UNC93A: variants seen among roughly 807,000 people sequenced by gnomAD.
UNC93A encodes N-acetylglucosamine transporter UNC93A.
A neutral mutation model predicts 47.5 loss-of-function variants in UNC93A; 43 were observed. The observed-to-expected ratio is 0.91, with a 90% confidence interval of 0.71 to 1.17. The LOEUF (loss-of-function observed/expected upper bound fraction) is 1.17. Ranked by LOEUF, UNC93A falls within the 50% of genes most tolerant of loss-of-function variation. The pLI is 0.00. For synonymous variants in UNC93A, 280 were observed against 258.0 expected, an observed-to-expected ratio of 1.09 and a Z score of -0.82; for missense variants, 605 against 577.6, an observed-to-expected ratio of 1.05 and a Z score of -0.49.
intron 1 of UNC93A, among the ~76,000 whole-genome samples, chr6:167,281,160 C>A (rs992223929): frequency 2.6e-5 from 4 of 151,380 alleles, no homozygotes; most frequent in African/African-American, 9.7e-5. Flanking sequence ...AGAGGAGCCT[C>A]GGTAGGTCAT....
intron 4 of UNC93A, 48 bp from the exon 5 acceptor site, chr6:167,303,871 T>C (rs762545361): frequency 6.3e-7 from 1 of 1,597,658 alleles, no homozygotes; most frequent in Non-Finnish European, 8.6e-7. Context: ...CCAGGCACCC[T>C]GCCTCTGGGC....
At chr6:167,280,956 C>G (rs1783621836) in intron 1 of UNC93A, among the ~76,000 whole-genome samples, 1 of 152,126 alleles carries the variant, frequency 6.6e-6, no homozygotes. Context: ...AACAGGAAAC[C>G]CAAGCCATAC....
At chr6:167,275,882 T>C (rs62438477) in intron 1 of UNC93A, among the ~76,000 whole-genome samples, 6,057 of 152,280 alleles carry the variant, frequency 0.04, 184 homozygotes, top group South Asian at 0.11. Context: ...ATGCTGTGTA[T>C]TGCTGTTAAC....
At chr6:167,290,157 G>T (rs1357071597), upstream of UNC93A, among the ~76,000 whole-genome samples, 1 of 152,198 alleles carries the variant, frequency 6.6e-6, no homozygotes, top group South Asian at 2.1e-4. Flanking sequence ...CAGGATTAGG[G>T]TGTGAACCCG....
At chr6:167,307,997 G>C (rs954356688) in intron 7 of UNC93A, 87 bp downstream of exon 7, 17 of 1,551,376 alleles carry the variant, frequency 1.1e-5, no homozygotes, top group Non-Finnish European at 1.4e-5. Context: ...AGATGCCAAT[G>C]GGCCAGAGCC....
intron 1 of UNC93A, among the ~76,000 whole-genome samples, chr6:167,294,038 G>A (rs530276907): frequency 6.6e-6 from 1 of 152,344 alleles, no homozygotes; most frequent in South Asian, 2.1e-4. Flanking sequence ...GGAGGCGGGC[G>A]ATGGATATTT....
In UNC93A at chr6:167,307,936, C is replaced by T. The variant is rs1778449354; in HGVS notation, c.1108+26C>T. The stretch of plus-strand genomic sequence containing the variant: ...GTGAGTCCCCAGCCCAGGCCCCTTC[C>T]TCTGTGGCAGCAGGGGGCGGTCCCT... On this transcript the variant is annotated intron_variant, in intron 7 of 7. Coordinates refer to ENST00000230256, the MANE Select transcript of UNC93A (RefSeq NM_018974.4). 3.1e-6 allele frequency: 5 copies of T among 1,611,924 alleles called. No individual in the cohort carries two copies. In the South Asian group the frequency reaches 3.3e-5, roughly 11 times the overall value.
intron 1 of UNC93A, among the ~76,000 whole-genome samples, chr6:167,285,101 C>T (rs1489133620): frequency 6.6e-6 from 1 of 152,200 alleles, no homozygotes; most frequent in East Asian, 1.9e-4. Flanking sequence ...CCAGGTGGCA[C>T]CACTGCAGAG....
chr6:167,296,713 G>A (rs1451458062), intron 3 of UNC93A, among the ~76,000 whole-genome samples: 1 of 152,208 alleles, frequency 6.6e-6, no homozygotes, highest in African/African-American at 2.4e-5. Flanking sequence ...CATTGGATGG[G>A]CTGATGCCCT....
chr6:167,289,246 G>A (rs1783798781), upstream of UNC93A, among the ~76,000 whole-genome samples: 1 of 152,254 alleles, frequency 6.6e-6, no homozygotes, highest in Admixed American at 6.5e-5. Context: ...GGTAAGATAA[G>A]AGTGTCCCTT....
At chr6:167,269,524 A>T (rs538077456), upstream of UNC93A, among the ~76,000 whole-genome samples, 2 of 152,356 alleles carry the variant, frequency 1.3e-5, no homozygotes, top group East Asian at 3.9e-4. Context: ...AAGGAACCCA[A>T]TGAAAAGAAG....
rs1783844550 is a variant in UNC93A at position 167,291,677 on chromosome 6, C to T, written c.87+101C>T. The T allele has an allele frequency of 5.4e-6, 6 of 1,117,578 alleles. No homozygotes were observed. The South Asian group carries it at 7.6e-5, about 14-fold the overall frequency. The allele number at this position is 1,117,578 out of a possible 1,614,324, so 69.2% of individuals were successfully genotyped here. A position where few individuals can be genotyped will look rare whatever the true frequency, so the allele number is the denominator to read the frequency against. On this transcript the variant is annotated intron_variant, in intron 1 of 7. Transcript: ENST00000230256. ...TTGGAAATTTGAAAAATCTAATTCA[C>T]CTGGTGTTTCTTTTTCACTCTGTAC...
upstream of UNC93A, among the ~76,000 whole-genome samples, chr6:167,287,231 C>T (rs1783752721): frequency 6.6e-6 from 1 of 152,116 alleles, no homozygotes; most frequent in Non-Finnish European, 1.5e-5. Context: ...ACCCAAAGTG[C>T]CACTTGCTCC....
At chr6:167,273,966 C>T (rs999420824) in intron 1 of UNC93A, among the ~76,000 whole-genome samples, 7 of 152,072 alleles carry the variant, frequency 4.6e-5, no homozygotes, top group African/African-American at 1.7e-4. Flanking sequence ...GTGCCAGAAA[C>T]TTAGTGGAGT....
chr6:167,275,582 G>A (rs777794831), intron 1 of UNC93A, among the ~76,000 whole-genome samples: 2 of 152,192 alleles, frequency 1.3e-5, no homozygotes, highest in African/African-American at 2.4e-5. Flanking sequence ...GACACAGTGC[G>A]TGTGTTCATT....
chr6:167,290,559 C>T (rs1402742408), upstream of UNC93A, among the ~76,000 whole-genome samples: 1 of 152,164 alleles, frequency 6.6e-6, no homozygotes, highest in Non-Finnish European at 1.5e-5. Flanking sequence ...GCTTAAAGCT[C>T]CAGACTTACC....
upstream of UNC93A, among the ~76,000 whole-genome samples, chr6:167,287,419 G>A (rs141099161): frequency 6.6e-6 from 1 of 152,130 alleles, no homozygotes; most frequent in African/African-American, 2.4e-5. Flanking sequence ...TTTTGGGATC[G>A]CACTTCTTCT....
upstream of UNC93A, among the ~76,000 whole-genome samples, chr6:167,290,176 ATC>A (rs2115106067): frequency 6.6e-6 from 1 of 152,328 alleles, no homozygotes; most frequent in South Asian, 2.1e-4. Context: ...CGTGGAGCTC[ATC>A]TGTTTCCATG....
intron 7 of UNC93A, among the ~76,000 whole-genome samples, chr6:167,308,714 G>A (rs1417020572): frequency 6.6e-6 from 1 of 152,032 alleles, no homozygotes; most frequent in African/African-American, 2.4e-5. Context: ...GTGGGGGAGG[G>A]TCAGATGCAC....
Sources: allele counts gnomAD v4.1 joint callset (sites outside exome capture counted in the v4.1 genomes callset), GRCh38; gene constraint gnomAD v4.1.1; transcripts MANE v1.5; gene names NCBI Gene and HGNC (gene_info 2026-07-23, HGNC 2026-07-21).